BTBD9: variants seen among roughly 807,000 people sequenced by gnomAD.
The protein encoded by BTBD9 is BTB/POZ domain-containing protein 9.
In BTBD9, 49 loss-of-function variants were observed where a neutral mutation model predicts 64.3. The observed-to-expected ratio is 0.76, with a 90% CI of 0.61 to 0.97. The LOEUF is 0.97. Among genes scored for constraint, BTBD9 ranks in the 50% least tolerant of loss-of-function variants. The pLI, the probability that BTBD9 is intolerant of heterozygous loss-of-function variation, is 0.00. For synonymous variants in BTBD9, 260 were observed against 274.7 expected (o/e 0.95, Z 0.53); for missense variants, 598 against 762.1 (o/e 0.78, Z 2.53).
intron 9 of BTBD9, among the ~76,000 whole-genome samples, chr6:38,240,841 G>A (rs1198434830): frequency 6.6e-6 from 1 of 152,092 alleles, no homozygotes; most frequent in Non-Finnish European, 1.5e-5. Flanking sequence ...GGGCAATTGA[G>A]GCTTTCAATT....
chr6:38,504,828 T>C (rs1772389963), intron 6 of BTBD9, among the ~76,000 whole-genome samples: 1 of 152,188 alleles, frequency 6.6e-6, no homozygotes, highest in Non-Finnish European at 1.5e-5. Flanking sequence ...GGTAGAAGCA[T>C]CTATGAACCA....
At chr6:38,305,859 CAGA>C (rs1438924847) in intron 7 of BTBD9, among the ~76,000 whole-genome samples, 1 of 152,180 alleles carries the variant, frequency 6.6e-6, no homozygotes, top group East Asian at 1.9e-4. Flanking sequence ...GTAGTTGTGA[CAGA>C]AGATGTTTGT....
intron 6 of BTBD9, among the ~76,000 whole-genome samples, chr6:38,497,929 T>C (rs534268334): frequency 1.3e-5 from 2 of 152,348 alleles, no homozygotes; most frequent in East Asian, 3.9e-4. Context: ...GCTAGGTTTA[T>C]AGAAAGAGGT....
chr6:38,628,488 T>G (rs1662542680), intron 1 of BTBD9, among the ~76,000 whole-genome samples: 2 of 152,166 alleles, frequency 1.3e-5, no homozygotes, highest in Non-Finnish European at 2.9e-5. Context: ...AGTAAATATG[T>G]TGTCAATAAA....
rs559527643 is a variant in BTBD9 at position 38,395,650 on chromosome 6, C to T, written c.1155-50557G>A. 3.4e-4 allele frequency among the ~76,000 whole-genome samples: 52 copies of T among 151,818 alleles called. 2 individuals carry two copies. The highest frequency in any genetic ancestry group is 6.2e-4 in the Non-Finnish European group (42 of 68,002). On this transcript the variant is annotated intron_variant, in intron 6 of 10. Transcript: ENST00000481247. ...GCGACCTCAAGCCAGAACCACTCAG[C>T]TAAACTACTCTCAAATTCCTAATCC...
intron 6 of BTBD9, among the ~76,000 whole-genome samples, chr6:38,440,613 C>T (rs1768982133): frequency 6.6e-6 from 1 of 152,074 alleles, no homozygotes; most frequent in South Asian, 2.1e-4. Context: ...CCATCAAGTC[C>T]CTTACAATTG....
At position 38,303,928 on chromosome 6, in the gene BTBD9, T is replaced by TATATAC. The variant is rs567002929; in HGVS notation, c.1265-15468_1265-15467insGTATAT. Among the ~76,000 whole-genome samples the TATATAC allele has an allele frequency of 3.7e-3, 509 of 138,926 alleles. 3 individuals carry two copies. The highest frequency in any genetic ancestry group is 0.013 in the African/African-American group (489 of 36,328). The allele number at this position is 138,926 out of a possible 152,430, so 91.1% of individuals were successfully genotyped here. On this transcript the variant is annotated intron_variant, in intron 7 of 10. Coordinates refer to ENST00000481247, the MANE Select transcript of BTBD9 (RefSeq NM_001099272.2). ...GTGTATATATGTGTATATATATATA[T>TATATAC]ACACGTGTGTGTGTGTGTGTGTGTA... is the stretch of plus-strand genomic sequence containing the variant.
rs575585232 is a variant in BTBD9 at position 38,503,276 on chromosome 6, C to A, written c.1154+74324G>T. 5.1e-4 allele frequency among the ~76,000 whole-genome samples: 77 copies of A among 152,212 alleles called. No individual in the cohort carries two copies. The Middle Eastern group carries it at 0.01, about 20-fold the overall frequency. ...TGCAGAAATGAAAGAGGAGGGGCAGCCTCTAGCCAACAACCCACAAACAGG... is the reference window on the plus strand; with the variant it reads ...TGCAGAAATGAAAGAGGAGGGGCAGACTCTAGCCAACAACCCACAAACAGG... On this transcript the variant is annotated intron_variant, in intron 6 of 10. Transcript: ENST00000481247.
At chr6:38,377,344 C>T (rs1233756277) in intron 6 of BTBD9, among the ~76,000 whole-genome samples, 1 of 152,106 alleles carries the variant, frequency 6.6e-6, no homozygotes, top group Non-Finnish European at 1.5e-5. Flanking sequence ...GAAACAATTA[C>T]TTACAACAGA....
intron 9 of BTBD9, among the ~76,000 whole-genome samples, chr6:38,240,204 G>C (rs1300403792): frequency 6.6e-6 from 1 of 152,180 alleles, no homozygotes; most frequent in East Asian, 1.9e-4. Flanking sequence ...TTAGCATGCT[G>C]CCTACTCCCA....
chr6:38,573,428 G>T (rs1332355645), intron 6 of BTBD9, among the ~76,000 whole-genome samples: 1 of 152,016 alleles, frequency 6.6e-6, no homozygotes, highest in African/African-American at 2.4e-5. Flanking sequence ...TCTCTCCTAT[G>T]CCAGACTCTA....
chr6:38,629,471 A>C (rs1236295788), intron 1 of BTBD9, among the ~76,000 whole-genome samples: 2 of 152,182 alleles, frequency 1.3e-5, no homozygotes, highest in African/African-American at 4.8e-5. Flanking sequence ...TACCGCCAAA[A>C]CTGCATAATG....
chr6:38,352,059 T>A (rs549263763), intron 6 of BTBD9, among the ~76,000 whole-genome samples: 78 of 152,270 alleles, frequency 5.1e-4, no homozygotes, highest in Non-Finnish European at 9.9e-4. Flanking sequence ...ACTGGGTAAA[T>A]CTGCTAGTAT....
Position 38,597,839 on chromosome 6 carries a change from TTCA to T in BTBD9, c.185+68_185+70del, listed in dbSNP as rs1322519933. 2.3e-6 allele frequency: 3 copies of T among 1,322,508 alleles called. No individual in the cohort carries two copies. The East Asian group carries it at 6.9e-5, about 31-fold the overall frequency. The allele number at this position is 1,322,508 out of a possible 1,614,324, so 81.9% of individuals were successfully genotyped here. A position where few individuals can be genotyped will look rare whatever the true frequency, so the allele number is the denominator to read the frequency against. ...TGTCATTATACTTGGTTATATATTTTTCATAGAGCAGAAAATACCAGTGTTTTC... is the reference window on the plus strand; with the variant it reads ...TGTCATTATACTTGGTTATATATTTTTAGAGCAGAAAATACCAGTGTTTTC... On this transcript the variant is annotated intron_variant, in intron 2 of 10. Coordinates refer to ENST00000481247, the MANE Select transcript of BTBD9 (RefSeq NM_001099272.2).
At chr6:38,437,262 A>G (rs2127304367) in intron 6 of BTBD9, among the ~76,000 whole-genome samples, 1 of 152,284 alleles carries the variant, frequency 6.6e-6, no homozygotes, top group Admixed American at 6.5e-5. Context: ...GCCTCAGGGT[A>G]GCGAAGGGAG....
In BTBD9 at chr6:38,345,185, A is replaced by G. The variant is rs556704389; in HGVS notation, c.1155-92T>C. 5.5e-6 allele frequency: 4 copies of G among 725,916 alleles called. No individual in the cohort carries two copies. The East Asian group carries it at 1.0e-4, about 18-fold the overall frequency. 45.0% of individuals were successfully genotyped at this position (725,916 alleles called of 1,614,324 possible). ...AGAGTAAGACACGTCACCTAAACAT[A>G]GAGTGCACCAGGATATAGACCAAAG... On this transcript the variant is annotated intron_variant, in intron 6 of 10. Transcript: ENST00000481247.
chr6:38,440,544 C>G (rs1157217482), intron 6 of BTBD9, among the ~76,000 whole-genome samples: 1 of 152,040 alleles, frequency 6.6e-6, no homozygotes, highest in Non-Finnish European at 1.5e-5. Flanking sequence ...AGAAAGAACA[C>G]AACCACTTCT....
At chr6:38,359,229 A>G (rs1255946781) in intron 6 of BTBD9, among the ~76,000 whole-genome samples, 2 of 152,216 alleles carry the variant, frequency 1.3e-5, no homozygotes, top group Non-Finnish European at 2.9e-5. Flanking sequence ...TGCTCCTCCT[A>G]CGCCACCAAC....
intron 9 of BTBD9, among the ~76,000 whole-genome samples, chr6:38,226,675 A>AC (rs1440921222): frequency 1.3e-5 from 2 of 152,200 alleles, no homozygotes; most frequent in Non-Finnish European, 2.9e-5. Context: ...AAAATGCTCA[A>AC]ACCTGAGATT....
Sources: gnomAD v4.1 joint callset for allele counts (sites outside exome capture counted in the v4.1 genomes callset) on GRCh38, gnomAD v4.1.1 for gene constraint, MANE v1.5 for transcripts, NCBI Gene and HGNC (gene_info 2026-07-23, HGNC 2026-07-21) for gene names.